DOCK8: variants seen among roughly 807,000 people sequenced by gnomAD.
DOCK8 encodes dedicator of cytokinesis 8, also known as dedicator of cytokinesis protein 8.
In DOCK8, 141 loss-of-function variants were observed where a neutral mutation model predicts 245.6. The observed-to-expected ratio is 0.57, with a 90% CI of 0.50 to 0.66. The LOEUF (loss-of-function observed/expected upper bound fraction) is 0.66. DOCK8 is among the 30% of genes least tolerant of loss of function. The pLI, the probability that DOCK8 is intolerant of heterozygous loss-of-function variation, is 0.00. For missense variants in DOCK8, 2,965 were observed against 2,603.4 expected, an observed-to-expected ratio of 1.14 and a Z score of -3.02; for synonymous variants, 1,168 against 970.2, an observed-to-expected ratio of 1.20 and a Z score of -3.79.
In DOCK8 at chr9:261,666, A is replaced by G. The variant is rs78669892; in HGVS notation, c.54-9961A>G. ...GCTCTGTGTATCTCTGGGTTTTTTT[A>G]ATCTGCATGATAGAACAGAAGTATG... is the stretch of plus-strand genomic sequence containing the variant. On this transcript the variant is annotated intron_variant, in intron 1 of 47. Coordinates refer to ENST00000432829, the MANE Select transcript of DOCK8 (RefSeq NM_203447.4). 5.9e-5 allele frequency among the ~76,000 whole-genome samples: 9 copies of G among 152,298 alleles called. No individual in the cohort carries two copies. The East Asian group carries it at 1.7e-3, about 29-fold the overall frequency.
chr9:304,998 G>A (rs573997952), intron 5 of DOCK8, among the ~76,000 whole-genome samples: 1 of 152,274 alleles, frequency 6.6e-6, no homozygotes, highest in South Asian at 2.1e-4. Context: ...GAGACTCTTG[G>A]TGCCCCTAAG....
chr9:262,470 A>T (rs890964761), intron 1 of DOCK8, among the ~76,000 whole-genome samples: 1 of 71,238 alleles, frequency 1.4e-5, no homozygotes, highest in African/African-American at 4.0e-5. Context: ...TGTTATATCC[A>T]TACAAAGGAA....
intron 2 of DOCK8, 87 bp from the exon 3 acceptor site, chr9:286,374 A>G: frequency 6.7e-7 from 1 of 1,492,666 alleles, no homozygotes; most frequent in Non-Finnish European, 9.2e-7. Flanking sequence ...AAGTCAAAGG[A>G]AAGCAAGGCA....
At chr9:264,113 C>A (rs2047983621) in intron 1 of DOCK8, among the ~76,000 whole-genome samples, 1 of 152,194 alleles carries the variant, frequency 6.6e-6, no homozygotes. Flanking sequence ...GAAAGACTCT[C>A]TTTTCTTTAA....
chr9:298,837 A>C (rs1405714842), intron 4 of DOCK8, among the ~76,000 whole-genome samples: 1 of 151,784 alleles, frequency 6.6e-6, no homozygotes, highest in Admixed American at 6.6e-5. Flanking sequence ...CTCCTTGTAA[A>C]CCTTCGTGTC....
intron 14 of DOCK8, among the ~76,000 whole-genome samples, chr9:357,881 T>C (rs2052520146): frequency 6.6e-6 from 1 of 152,360 alleles, no homozygotes; most frequent in South Asian, 2.1e-4. Flanking sequence ...CTCTTCAACC[T>C]ACACATCAGG....
At chr9:332,999 A>T (rs573846422) in intron 10 of DOCK8, among the ~76,000 whole-genome samples, 4 of 152,104 alleles carry the variant, frequency 2.6e-5, no homozygotes, top group African/African-American at 9.6e-5. Context: ...GAATTTTCTA[A>T]TGTTGACATA....
At chr9:265,164 G>T (rs544516034) in intron 1 of DOCK8, among the ~76,000 whole-genome samples, 7 of 152,030 alleles carry the variant, frequency 4.6e-5, no homozygotes, top group African/African-American at 1.7e-4. Context: ...ACTCCTGACC[G>T]CAGGTGATCC....
intron 1 of DOCK8, among the ~76,000 whole-genome samples, chr9:249,282 A>C (rs548090669): frequency 1.3e-5 from 2 of 151,000 alleles, no homozygotes; most frequent in Admixed American, 1.3e-4. Flanking sequence ...TTGTCCAACA[A>C]TAAACTCTGC....
At chr9:396,170 T>C (rs575104542) in intron 24 of DOCK8, among the ~76,000 whole-genome samples, 1 of 152,310 alleles carries the variant, frequency 6.6e-6, no homozygotes, top group African/African-American at 2.4e-5. Flanking sequence ...ATGTTCTAAA[T>C]AGTGGTTCTG....
chr9:382,655 C>G lies in DOCK8; in HGVS notation c.2748C>G (p.Asp916Glu), dbSNP rs1027586315. The change falls in exon 22 of 48, where the codon GAC (aspartate) becomes GAG (glutamate). Residue 916 changes from aspartate to glutamate, a missense_variant. Physicochemically the swap from Asp to Glu is conservative, Grantham distance 45. This residue lies in a region of DOCK8 where 2,825 missense variants were observed against 2,453.5 expected (regional missense o/e 1.15). Transcript: ENST00000432829. ...TCGCGGGGACACACTCCGCAGCAGA[C>G]GAGGAAGTGAAGAACATCATGTCTT... is the stretch of plus-strand genomic sequence containing the variant. ...PDLAGTHSAA[D>E]EEVKNIMSSK... 6.2e-7 allele frequency: 1 copy of G among 1,614,108 alleles called. No individual in the cohort carries two copies. The highest frequency in any genetic ancestry group is 8.5e-7 in the Non-Finnish European group (1 of 1,180,016).
intron 10 of DOCK8, 118 bp downstream of exon 10, chr9:332,596 A>G (rs2051069308): frequency 1.6e-6 from 1 of 612,344 alleles, no homozygotes; most frequent in South Asian, 2.1e-5. Context: ...ATAAGACACT[A>G]CTACATTTTA....
intron 2 of DOCK8, among the ~76,000 whole-genome samples, chr9:276,645 C>A (rs1011816481): frequency 6.6e-6 from 1 of 152,148 alleles, no homozygotes. Flanking sequence ...TAGTAAATAA[C>A]CCTGTGTGTA....
At chr9:307,635 G>A (rs1045531401) in intron 5 of DOCK8, among the ~76,000 whole-genome samples, 2 of 152,018 alleles carry the variant, frequency 1.3e-5, no homozygotes, top group African/African-American at 4.8e-5. Flanking sequence ...TGGGATTACA[G>A]GTGTGAGCCA....
chr9:213,975 C>G, upstream of DOCK8: 1 of 152,896 alleles, frequency 6.5e-6, no homozygotes, highest in East Asian at 1.9e-4. Flanking sequence ...ATGCGCCCGC[C>G]TCGGCCTCCC....
Position 291,963 on chromosome 9 carries a change from G to A in DOCK8, c.404+2382G>A, listed in dbSNP as rs552318776. Among the ~76,000 whole-genome samples, 6 of 150,826 alleles carry A rather than the reference G, an allele frequency of 4.0e-5. 1 individual carries two copies. In the East Asian group the frequency reaches 5.9e-4, roughly 15 times the overall value. ...CATGCACCTGTAGTCCTAGCTACTC[G>A]GGAGGCTGAGGCAGGAGGATCACTT... On this transcript the variant is annotated intron_variant, in intron 4 of 47. Transcript: ENST00000432829.
chr9:282,407 CGTTTT>C (rs1318313836), intron 2 of DOCK8, among the ~76,000 whole-genome samples: 1 of 134,424 alleles, frequency 7.4e-6, no homozygotes, highest in African/African-American at 2.8e-5. Flanking sequence ...CTTTTTGTTT[CGTTTT>C]GTTTTTTTTT....
intron 25 of DOCK8, 146 bp from the exon 26 acceptor site, chr9:399,000 G>C (rs1289480609): frequency 1.4e-6 from 1 of 713,378 alleles, no homozygotes; most frequent in Admixed American, 2.0e-5. Flanking sequence ...TTAGTTAAAG[G>C]AGACTCAACT....
At chr9:441,162 T>A (rs1236481933) in intron 40 of DOCK8, 124 bp from the exon 41 acceptor site, 16 of 1,444,660 alleles carry the variant, frequency 1.1e-5, no homozygotes, top group Middle Eastern at 4.4e-4. Context: ...TCTTGCCCTG[T>A]GAAATACTGT....
Sources: allele counts gnomAD v4.1 joint callset (sites outside exome capture counted in the v4.1 genomes callset), GRCh38; gene constraint gnomAD v4.1.1; regional missense constraint gnomAD v4.1.1; transcripts MANE v1.5; gene names NCBI Gene and HGNC (gene_info 2026-07-23, HGNC 2026-07-21).